The following NRXN3 variants were observed in gnomAD, a reference collection of about 807,000 sequenced individuals.
NRXN3 encodes the protein neurexin III.
NRXN3 carries 32 observed loss-of-function variants against 137.6 expected under a neutral mutation model. The ratio of observed to expected loss-of-function variants is 0.23; its 90% CI spans 0.18 to 0.31. NRXN3 has a LOEUF of 0.31. Among genes scored for constraint, NRXN3 ranks in the 10% least tolerant of loss-of-function variants. NRXN3 has a pLI of 1.00. For missense variants in NRXN3, 1,574 were observed against 2,062.5 expected (o/e 0.76, Z 4.59); for synonymous variants, 798 against 784.5 (o/e 1.02, Z -0.29).
At chr14:79,032,873 T>G (rs1490212142) in intron 15 of NRXN3, among the ~76,000 whole-genome samples, 3 of 152,146 alleles carry the variant, frequency 2.0e-5, no homozygotes, top group African/African-American at 7.2e-5. Flanking sequence ...GTTCAGTTAT[T>G]TTATCTGTGA....
chr14:79,579,353 T>TATATATATATATAATATATTTC (rs1419255978), intron 16 of NRXN3, among the ~76,000 whole-genome samples: 2 of 143,468 alleles, frequency 1.4e-5, no homozygotes, highest in East Asian at 3.9e-4. Context: ...ATATTTCATA[T>TATATATATATATAATATATTTC]ATATATATAT....
At chr14:79,553,307 G>C (rs1037141151) in intron 16 of NRXN3, among the ~76,000 whole-genome samples, 4 of 152,128 alleles carry the variant, frequency 2.6e-5, no homozygotes, top group Middle Eastern at 3.4e-3. Context: ...GGAGGGAAGG[G>C]GAAGGGGAGG....
At chr14:78,448,335 A>C (rs1354352012) in intron 4 of NRXN3, among the ~76,000 whole-genome samples, 1 of 152,244 alleles carries the variant, frequency 6.6e-6, no homozygotes, top group East Asian at 1.9e-4. Context: ...CACAGCACTC[A>C]TGGCCTTAGG....
chr14:78,492,524 A>G (rs1473916106), intron 4 of NRXN3, among the ~76,000 whole-genome samples: 1 of 152,204 alleles, frequency 6.6e-6, no homozygotes, highest in Non-Finnish European at 1.5e-5. Context: ...TAGTTTTAGT[A>G]TTGGTATAGT....
chr14:79,723,851 T>C (rs956853861), intron 19 of NRXN3, among the ~76,000 whole-genome samples: 9 of 152,126 alleles, frequency 5.9e-5, no homozygotes, highest in Admixed American at 2.0e-4. Context: ...CGGCAATCAG[T>C]GGAGCTGACA....
At chr14:79,228,297 G>T (rs2071447853) in intron 15 of NRXN3, among the ~76,000 whole-genome samples, 1 of 152,174 alleles carries the variant, frequency 6.6e-6, no homozygotes, top group East Asian at 1.9e-4. Flanking sequence ...GGGGCAGGGA[G>T]GAGGGATAAA....
In NRXN3 at chr14:79,544,070, C is replaced by G. The variant is rs771277758; in HGVS notation, c.3444+76668C>G. Among the ~76,000 whole-genome samples, 2 of 152,058 alleles carry G rather than the reference C, an allele frequency of 1.3e-5. 1 individual carries two copies. Among genetic ancestry groups the G allele is most frequent in the African/African-American group, 4.8e-5 (2 of 41,416 alleles). On this transcript the variant is annotated intron_variant, in intron 16 of 20. Coordinates refer to ENST00000335750, the MANE Select transcript of NRXN3 (RefSeq NM_001330195.2). The stretch of plus-strand genomic sequence containing the variant: ...TCATCCCCAACAGTGAAAATAAATA[C>G]AAAATTTAGGCAAAAAATAAAAATA...
chr14:79,012,710 A>G (rs181829342), intron 15 of NRXN3, among the ~76,000 whole-genome samples: 171 of 152,246 alleles, frequency 1.1e-3, no homozygotes, highest in Non-Finnish European at 1.9e-3. Flanking sequence ...GTGCAGACTG[A>G]CCATCTATCA....
At chr14:79,130,383 A>T (rs1179603134) in intron 15 of NRXN3, among the ~76,000 whole-genome samples, 2 of 152,050 alleles carry the variant, frequency 1.3e-5, no homozygotes, top group Admixed American at 6.6e-5. Context: ...GGTGGTGACA[A>T]AATCTCTCAG....
intron 10 of NRXN3, among the ~76,000 whole-genome samples, chr14:78,923,576 A>G (rs925817713): frequency 4.6e-5 from 7 of 152,192 alleles, no homozygotes; most frequent in African/African-American, 1.7e-4. Context: ...TCTCTAATCA[A>G]TGCTCCTGCT....
At position 79,637,729 on chromosome 14, in the gene NRXN3, C is replaced by CTTTTTTTTTTTTTTTTTTTTTT. The variant is rs554654576; in HGVS notation, c.3445-26031_3445-26030insTTTTTTTTTTTTTTTTTTTTTT. ...AACTGATGTAAGATATAGAAAAGTT[C>CTTTTTTTTTTTTTTTTTTTTTT]TTTTTTTTTTTTTTTTTTGAGATGG... On this transcript the variant is annotated intron_variant, in intron 16 of 20. Transcript: ENST00000335750. Among the ~76,000 whole-genome samples the CTTTTTTTTTTTTTTTTTTTTTT allele has an allele frequency of 1.4e-3, 135 of 95,594 alleles. 24 individuals carry two copies. The highest frequency in any genetic ancestry group is 0.017 in the Middle Eastern group (2 of 116). 62.7% of individuals were successfully genotyped at this position (95,594 alleles called of 152,430 possible).
intron 6 of NRXN3, among the ~76,000 whole-genome samples, chr14:78,678,316 A>G (rs1462261849): frequency 6.7e-6 from 1 of 149,270 alleles, no homozygotes; most frequent in Non-Finnish European, 1.5e-5. Flanking sequence ...TTCATGCTCC[A>G]TACTTTTTTT....
chr14:78,908,634 A>T (rs2099226570), intron 10 of NRXN3, among the ~76,000 whole-genome samples: 1 of 152,138 alleles, frequency 6.6e-6, no homozygotes, highest in African/African-American at 2.4e-5. Flanking sequence ...TTTCACCAAG[A>T]TAAACTTGTA....
At chr14:79,098,200 G>A (rs1466039114) in intron 15 of NRXN3, among the ~76,000 whole-genome samples, 1 of 152,096 alleles carries the variant, frequency 6.6e-6, no homozygotes, top group African/African-American at 2.4e-5. Flanking sequence ...GATATACCCC[G>A]TCTTAGCCAA....
At chr14:79,826,527 A>T (rs7147421) in intron 20 of NRXN3, among the ~76,000 whole-genome samples, 1 of 151,918 alleles carries the variant, frequency 6.6e-6, no homozygotes, top group Non-Finnish European at 1.5e-5. Context: ...ACCATTTGAA[A>T]CTCAGTTGTA....
At chr14:78,229,392 C>T (rs1218993370) in intron 1 of NRXN3, among the ~76,000 whole-genome samples, 1 of 152,032 alleles carries the variant, frequency 6.6e-6, no homozygotes, top group Non-Finnish European at 1.5e-5. Flanking sequence ...CTTCCGCCAC[C>T]GTCCAGTCAT....
intron 15 of NRXN3, among the ~76,000 whole-genome samples, chr14:79,374,593 C>A (rs2094206215): frequency 1.3e-5 from 2 of 151,878 alleles, no homozygotes; most frequent in Non-Finnish European, 2.9e-5. Context: ...AGATAGCAGA[C>A]CCCTTATCTT....
chr14:79,786,516 C>T (rs1048879935), intron 19 of NRXN3, among the ~76,000 whole-genome samples: 10 of 152,124 alleles, frequency 6.6e-5, no homozygotes, highest in Non-Finnish European at 1.5e-4. Flanking sequence ...ATTAAGAGTC[C>T]AGTCCAATGT....
intron 8 of NRXN3, among the ~76,000 whole-genome samples, chr14:78,766,091 G>A (rs929341659): frequency 2.6e-5 from 4 of 152,066 alleles, no homozygotes; most frequent in Non-Finnish European, 2.9e-5. Context: ...GAGAGAACTC[G>A]GTCTAGGTTT....
Sources: gnomAD v4.1 joint callset for allele counts (sites outside exome capture counted in the v4.1 genomes callset) on GRCh38, gnomAD v4.1.1 for gene constraint, MANE v1.5 for transcripts, NCBI Gene and HGNC (gene_info 2026-07-23, HGNC 2026-07-21) for gene names.